The following SYTL2 variants were observed in gnomAD, a reference collection of about 807,000 sequenced individuals.
The protein encoded by SYTL2 is synaptotagmin-like protein 2.
SYTL2 carries 165 observed loss-of-function variants against 198.7 expected under a neutral mutation model. That is an observed-to-expected ratio of 0.83 (90% CI 0.73 to 0.94). The LOEUF (loss-of-function observed/expected upper bound fraction) is 0.94, where lower values mean the gene tolerates loss of function less well. SYTL2 is among the 40% of genes least tolerant of loss of function. The pLI is 0.00. For synonymous variants in SYTL2, 966 were observed against 917.7 expected (o/e 1.05, Z -0.95); for missense variants, 2,835 against 2,582.8 (o/e 1.10, Z -2.12).
chr11:85,730,682 A>G (rs2089718750), intron 7 of SYTL2, among the ~76,000 whole-genome samples: 4 of 152,194 alleles, frequency 2.6e-5, no homozygotes, highest in Non-Finnish European at 5.9e-5. Flanking sequence ...GAAAACTGGC[A>G]CAAGACAAGG....
chr11:85,842,823 AG>A, the SYTL2 span, among the ~76,000 whole-genome samples: 1 of 152,246 alleles, frequency 6.6e-6, no homozygotes, highest in East Asian at 1.9e-4. Flanking sequence ...ATAGCTGGGT[AG>A]GAAGCCATCT....
chr11:85,722,673 C>T (rs533182077), intron 8 of SYTL2, among the ~76,000 whole-genome samples: 1 of 151,854 alleles, frequency 6.6e-6, no homozygotes, highest in East Asian at 1.9e-4. Flanking sequence ...TGGCTTTATT[C>T]TTGCCATTAC....
the SYTL2 span, among the ~76,000 whole-genome samples, chr11:85,817,323 C>T: frequency 1.3e-5 from 2 of 152,104 alleles, no homozygotes; most frequent in Non-Finnish European, 2.9e-5. Flanking sequence ...GGATACACAG[C>T]CTGTGCTGTT....
chr11:85,743,030 C>T (rs941104976), intron 4 of SYTL2, among the ~76,000 whole-genome samples: 1 of 152,198 alleles, frequency 6.6e-6, no homozygotes, highest in African/African-American at 2.4e-5. Flanking sequence ...TGGAACCCCA[C>T]AGAATCGTGC....
chr11:85,836,267 T>C, the SYTL2 span, among the ~76,000 whole-genome samples: 1 of 152,114 alleles, frequency 6.6e-6, no homozygotes, highest in Non-Finnish European at 1.5e-5. Context: ...CCAAATTTTT[T>C]TTTCTGAAAT....
upstream of SYTL2, among the ~76,000 whole-genome samples, chr11:85,812,910 T>C (rs1049596185): frequency 1.7e-4 from 26 of 152,176 alleles, no homozygotes; most frequent in African/African-American, 5.8e-4. Flanking sequence ...TTCACTTTTA[T>C]TGTTGATTGC....
intron 1 of SYTL2, among the ~76,000 whole-genome samples, chr11:85,790,272 C>A (rs1222598795): frequency 6.6e-6 from 1 of 152,088 alleles, no homozygotes; most frequent in African/African-American, 2.4e-5. Flanking sequence ...AGATGCTCAA[C>A]CTGTATACAA....
chr11:85,819,040 C>A, the SYTL2 span, among the ~76,000 whole-genome samples: 1 of 152,082 alleles, frequency 6.6e-6, no homozygotes, highest in African/African-American at 2.4e-5. Context: ...AGCTCAAAAT[C>A]CCAGGTTTTA....
At position 85,727,808 on chromosome 11, in the gene SYTL2, T is replaced by C; in HGVS notation, c.1550A>G (p.Asp517Gly). 6.2e-7 allele frequency: 1 copy of C among 1,605,948 alleles called. No homozygotes were observed. Among genetic ancestry groups the C allele is most frequent in the Non-Finnish European group, 8.5e-7 (1 of 1,176,342 alleles). ...CCAGTCTAGAACTTTAAATATGGAA[T>C]CATCAGTTGACTTCTTTATCTCAGT... Reference protein sequence around the residue: ...YATEIKKSTDDSIFKVLDWFN... With the variant: ...YATEIKKSTDGSIFKVLDWFN... Residue 517 changes from aspartate to glycine, a missense_variant, in exon 8 of 20, where the codon GAT becomes GGT. Coordinates refer to ENST00000359152, the MANE Select transcript of SYTL2 (RefSeq NM_206927.4).
intron 13 of SYTL2, among the ~76,000 whole-genome samples, chr11:85,710,626 A>G (rs1024864718): frequency 6.6e-6 from 1 of 152,222 alleles, no homozygotes; most frequent in Non-Finnish European, 1.5e-5. Context: ...CTGAGTAACT[A>G]CACTTAAGGA....
intron 1 of SYTL2, among the ~76,000 whole-genome samples, chr11:85,774,864 G>A (rs2092423976): frequency 6.6e-6 from 1 of 152,178 alleles, no homozygotes; most frequent in Non-Finnish European, 1.5e-5. Flanking sequence ...GCCTAGAGCA[G>A]TTGAAGATCT....
At chr11:85,754,429 G>A (rs1197973950) in intron 2 of SYTL2, among the ~76,000 whole-genome samples, 1 of 151,996 alleles carries the variant, frequency 6.6e-6, no homozygotes, top group Non-Finnish European at 1.5e-5. Flanking sequence ...CCTTTTTGGA[G>A]GTATAGGTAG....
At chr11:85,748,237 T>G (rs1021690434) in intron 3 of SYTL2, 35 bp downstream of exon 3, 1 of 1,595,784 alleles carries the variant, frequency 6.3e-7, no homozygotes, top group African/African-American at 1.3e-5. Flanking sequence ...CCCAAACGAA[T>G]GCTTGTTGTA....
At chr11:85,710,794 G>A (rs1457870152) in intron 13 of SYTL2, among the ~76,000 whole-genome samples, 1 of 152,124 alleles carries the variant, frequency 6.6e-6, no homozygotes, top group African/African-American at 2.4e-5. Context: ...TCTGATACAA[G>A]CAGATTTTAT....
intron 1 of SYTL2, among the ~76,000 whole-genome samples, chr11:85,802,409 G>C (rs946606742): frequency 1.3e-5 from 2 of 151,900 alleles, no homozygotes; most frequent in African/African-American, 4.8e-5. Context: ...AGGATTACAG[G>C]CATGAGCCAA....
intron 17 of SYTL2, among the ~76,000 whole-genome samples, chr11:85,699,384 C>T (rs1005791274): frequency 6.6e-6 from 1 of 152,142 alleles, no homozygotes; most frequent in African/African-American, 2.4e-5. Context: ...TACCCCTGCC[C>T]TCTACTACCA....
chr11:85,739,124 C>G (rs1315689404), intron 4 of SYTL2, among the ~76,000 whole-genome samples: 1 of 152,134 alleles, frequency 6.6e-6, no homozygotes, highest in Non-Finnish European at 1.5e-5. Flanking sequence ...AAGAGTATCT[C>G]AAACATCTTT....
At chr11:85,715,211 G>A (rs551101456) in intron 11 of SYTL2, 1 of 152,208 alleles carries the variant, frequency 6.6e-6, no homozygotes, top group African/African-American at 2.4e-5. Context: ...TATATGTGTA[G>A]AAGGTACAAG....
chr11:85,702,470 C>A (rs1412924522), intron 16 of SYTL2, among the ~76,000 whole-genome samples: 1 of 152,152 alleles, frequency 6.6e-6, no homozygotes, highest in Non-Finnish European at 1.5e-5. Flanking sequence ...AAGCTGAGAG[C>A]CACCGCACCC....
Sources: gnomAD v4.1 joint callset for allele counts (sites outside exome capture counted in the v4.1 genomes callset) on GRCh38, gnomAD v4.1.1 for gene constraint, MANE v1.5 for transcripts, NCBI Gene and HGNC (gene_info 2026-07-23, HGNC 2026-07-21) for gene names.